Variants in FKBP4 observed in about 807,000 individuals in gnomAD.
The protein encoded by FKBP4 is FKBP prolyl isomerase 4, also known as peptidyl-prolyl cis-trans isomerase FKBP4.
A neutral mutation model predicts 54.1 loss-of-function variants in FKBP4; 28 were observed. The ratio of observed to expected loss-of-function variants is 0.52; its 90% CI spans 0.38 to 0.71. FKBP4 has a LOEUF of 0.71. FKBP4 is among the 30% of genes least tolerant of loss of function. The pLI is 0.00. For missense variants in FKBP4, 493 were observed against 574.4 expected, an observed-to-expected ratio of 0.86 and a Z score of 1.45; for synonymous variants, 223 against 216.1, an observed-to-expected ratio of 1.03 and a Z score of -0.28.
intron 9 of FKBP4, 83 bp downstream of exon 9, chr12:2,801,439 C>G: frequency 6.3e-7 from 1 of 1,584,798 alleles, no homozygotes; most frequent in South Asian, 1.1e-5. Flanking sequence ...CTTTGGTTGT[C>G]TGTGCCAATC....
At chr12:2,799,001 T>C (rs1320813614) in intron 4 of FKBP4, 87 bp from the exon 5 acceptor site, 18 of 1,453,518 alleles carry the variant, frequency 1.2e-5, no homozygotes, top group Non-Finnish European at 1.7e-5. Context: ...CTTGGGATGA[T>C]GGGGGTGATG....
In FKBP4 at chr12:2,795,488, C is replaced by G. The variant is rs1056865431; in HGVS notation, c.105+244C>G. Among the ~76,000 whole-genome samples the G allele has an allele frequency of 8.5e-4, 125 of 147,140 alleles. No individual in the cohort carries two copies. The highest frequency in any genetic ancestry group is 1.7e-3 in the Non-Finnish European group (114 of 66,042). ...TGCGCGGGCCGAGGCCCCAGGCTCCCCAGCCGGCAGCGCCCGGGCCCGGGC... is the reference window on the plus strand; with the variant it reads ...TGCGCGGGCCGAGGCCCCAGGCTCCGCAGCCGGCAGCGCCCGGGCCCGGGC... On this transcript the variant is annotated intron_variant, in intron 1 of 9. Coordinates refer to ENST00000001008, the MANE Select transcript of FKBP4 (RefSeq NM_002014.4). The surrounding 1 kb of genome is among the most constrained non-coding windows in gnomAD (Gnocchi z 4.3).
chr12:2,800,655 C>A (rs955291995), intron 8 of FKBP4, 78 bp downstream of exon 8: 1 of 1,414,252 alleles, frequency 7.1e-7, no homozygotes, highest in East Asian at 2.3e-5. Context: ...TGAAACTTCC[C>A]CTTGGTGACT....
chr12:2,799,728 A>G (rs1282155839), intron 5 of FKBP4, 122 bp from the exon 6 acceptor site: 12 of 828,270 alleles, frequency 1.4e-5, no homozygotes, highest in South Asian at 3.2e-5. Context: ...AGATTTGCCA[A>G]ACATTTGAAC....
chr12:2,797,075 C>A (rs1465402888), intron 1 of FKBP4, 63 bp from the exon 2 acceptor site: 5 of 1,598,424 alleles, frequency 3.1e-6, no homozygotes, highest in East Asian at 4.5e-5. Flanking sequence ...GGCTTGCAGG[C>A]AGTGCTGGTG....
intron 8 of FKBP4, 75 bp downstream of exon 8, chr12:2,800,652 T>C: frequency 1.4e-6 from 2 of 1,442,356 alleles, no homozygotes; most frequent in Non-Finnish European, 1.9e-6. Flanking sequence ...GTCTGAAACT[T>C]CCCCTTGGTG....
chr12:2,797,650 C>T, intron 2 of FKBP4, 79 bp from the exon 3 acceptor site: 1 of 1,502,462 alleles, frequency 6.7e-7, no homozygotes, highest in Non-Finnish European at 9.0e-7. Flanking sequence ...GAGTGTGGTG[C>T]AGTAACTCTT....
rs759053352 is a variant in FKBP4, at chr12:2,797,720, T to C, written c.251-9T>C. On this transcript the variant is annotated splice_polypyrimidine_tract_variant and intron_variant, in intron 2 of 9. Transcript: ENST00000001008. ...GCTAAGGCGGTCCTGTTTGCTTCTG[T>C]ACCTGCAGGGGAGGTCATCAAGGCT... 1.2e-6 allele frequency: 2 copies of C among 1,609,044 alleles called. No homozygotes were observed. Among genetic ancestry groups the C allele is most frequent in the Admixed American group, 3.3e-5 (2 of 59,794 alleles).
At chr12:2,803,084 G>T in intron 9 of FKBP4, 67 bp from the exon 10 acceptor site, 2 of 1,146,866 alleles carry the variant, frequency 1.7e-6, no homozygotes, top group Non-Finnish European at 2.6e-6. Flanking sequence ...GTGTAATTCT[G>T]CTGGAAATTA....
rs1489595099 is a variant in FKBP4 at position 2,795,944 on chromosome 12, G to T, written c.105+700G>T. ...GCTGTAGTCCCCTCCCCCCTCCGCC[G>T]CCTCCCGGAGCCAGGGCTGCGGGGT... On this transcript the variant is annotated intron_variant, in intron 1 of 9. Coordinates refer to ENST00000001008, the MANE Select transcript of FKBP4 (RefSeq NM_002014.4). This position sits in a 1 kb window ranked among gnomAD's most constrained non-coding sequence, Gnocchi z 4.3. The T allele has an allele frequency of 8.8e-6, 9 of 1,021,558 alleles. No individual in the cohort carries two copies. Among genetic ancestry groups the T allele is most frequent in the South Asian group, 3.4e-5 (1 of 29,326 alleles). 63.3% of individuals were successfully genotyped at this position (1,021,558 alleles called of 1,614,324 possible).
Position 2,798,606 on chromosome 12 carries a change from C to T in FKBP4, c.394-100C>T, listed in dbSNP as rs560773829. Reference sequence around the variant, plus strand: ...TTGTGACTGCCCTTGTGGTCAGATCCGGCCTGGCAGTTAGTAGGGACTCTC... The same window carrying T: ...TTGTGACTGCCCTTGTGGTCAGATCTGGCCTGGCAGTTAGTAGGGACTCTC... On this transcript the variant is annotated intron_variant, in intron 3 of 9. Coordinates refer to ENST00000001008, the MANE Select transcript of FKBP4 (RefSeq NM_002014.4). The surrounding 1 kb of genome is among the most constrained non-coding windows in gnomAD (Gnocchi z 4.3). The T allele has an allele frequency of 7.6e-6, 12 of 1,581,650 alleles. No homozygotes were observed. The highest frequency in any genetic ancestry group is 5.4e-5 in the African/African-American group (4 of 74,564).
intron 8 of FKBP4, 78 bp downstream of exon 8, chr12:2,800,655 C>T (rs955291995): frequency 4.2e-6 from 6 of 1,414,132 alleles, no homozygotes; most frequent in Non-Finnish European, 5.7e-6. Flanking sequence ...TGAAACTTCC[C>T]CTTGGTGACT....
chr12:2,797,106 T>G, intron 1 of FKBP4, 32 bp from the exon 2 acceptor site: 1 of 1,611,320 alleles, frequency 6.2e-7, no homozygotes, highest in Non-Finnish European at 8.5e-7. Context: ...CCCCAAACCC[T>G]GGGGTACTCA....
chr12:2,800,719 G>C (rs1192783530), intron 8 of FKBP4, 142 bp downstream of exon 8: 12 of 802,902 alleles, frequency 1.5e-5, no homozygotes. Flanking sequence ...CAGACCAAAG[G>C]CACGGATGCA....
intron 1 of FKBP4, 52 bp from the exon 2 acceptor site, chr12:2,797,086 C>A: frequency 1.2e-6 from 2 of 1,606,154 alleles, no homozygotes. Context: ...AGTGCTGGTG[C>A]CCCTTTCTGC....
rs1258249715 is a variant in FKBP4, at chr12:2,795,082, G to C, written c.-58G>C. On this transcript the variant is annotated 5_prime_UTR_variant, in exon 1 of 10. Coordinates refer to ENST00000001008, the MANE Select transcript of FKBP4 (RefSeq NM_002014.4). The surrounding 1 kb of genome is among the most constrained non-coding windows in gnomAD (Gnocchi z 4.3). ...CCCCGCAGGTAGCGCCCCCGCCCGCGGCCCAGAGTGCGCTCGCGCCGGCAC... is the reference window on the plus strand; with the variant it reads ...CCCCGCAGGTAGCGCCCCCGCCCGCCGCCCAGAGTGCGCTCGCGCCGGCAC... 1.8e-6 allele frequency: 2 copies of C among 1,124,798 alleles called. No homozygotes were observed. Among genetic ancestry groups the C allele is most frequent in the African/African-American group, 1.6e-5 (1 of 61,404 alleles). 69.7% of individuals were successfully genotyped at this position (1,124,798 alleles called of 1,614,324 possible).
chr12:2,796,333 A>G, intron 1 of FKBP4: 1 of 1,289,126 alleles, frequency 7.8e-7, no homozygotes, highest in Non-Finnish European at 1.0e-6. Context: ...TTCTCGCTCC[A>G]GCGTCCTGCC....
Position 2,800,517 on chromosome 12 carries a change from C to T in FKBP4, c.972C>T (p.Asn324=). 1.2e-6 allele frequency: 2 copies of T among 1,614,146 alleles called. No homozygotes were observed. The highest frequency in any genetic ancestry group is 1.7e-6 in the Non-Finnish European group (2 of 1,180,024). The change falls in exon 8 of 10, where the codon AAC becomes AAT. Residue 324 remains asparagine, a synonymous_variant. Coordinates refer to ENST00000001008, the MANE Select transcript of FKBP4 (RefSeq NM_002014.4). ...AQALRLASHL[N]LAMCHLKLQA... ...CCCTTCGACTGGCCTCTCACCTCAACCTGGCCATGTGTCATCTGAAACTAC... is the reference window on the plus strand; with the variant it reads ...CCCTTCGACTGGCCTCTCACCTCAATCTGGCCATGTGTCATCTGAAACTAC...
chr12:2,796,007 C>T lies in FKBP4; in HGVS notation c.105+763C>T, dbSNP rs541320928. 1.1e-4 allele frequency: 125 copies of T among 1,154,058 alleles called. 1 individual carries two copies. In the South Asian group the frequency reaches 2.1e-3, roughly 19 times the overall value. 71.5% of individuals were successfully genotyped at this position (1,154,058 alleles called of 1,614,324 possible). ...GGAGGCGCTCTGCTGTGGAGCCTGC[C>T]GCCGAGTGACCGCTCGACTACAAAT... On this transcript the variant is annotated intron_variant, in intron 1 of 9. Transcript: ENST00000001008.
Sources: allele counts gnomAD v4.1 joint callset (sites outside exome capture counted in the v4.1 genomes callset), GRCh38; gene constraint gnomAD v4.1.1; non-coding constraint Gnocchi (gnomAD v3.1); transcripts MANE v1.5; gene names NCBI Gene and HGNC (gene_info 2026-07-23, HGNC 2026-07-21).